Variants in RALYL observed in about 807,000 individuals in gnomAD.
RALYL encodes the protein RNA-binding Raly-like protein.
RALYL carries 29 observed loss-of-function variants against 35.1 expected under a neutral mutation model. The observed-to-expected ratio is 0.83, with a 90% CI of 0.61 to 1.13. RALYL has a LOEUF of 1.13. Among genes scored for constraint, RALYL ranks in the 50% most tolerant of loss-of-function variants. RALYL has a pLI of 0.00. For missense variants in RALYL, 359 were observed against 360.4 expected (o/e 1.00, Z 0.03); for synonymous variants, 120 against 127.6 (o/e 0.94, Z 0.40).
At chr8:84,570,225 A>AT (rs34385269) in intron 2 of RALYL, among the ~76,000 whole-genome samples, 1 of 151,628 alleles carries the variant, frequency 6.6e-6, no homozygotes, top group Non-Finnish European at 1.5e-5. Flanking sequence ...TGAGCATGGG[A>AT]TTTTTTTATT....
intron 1 of RALYL, among the ~76,000 whole-genome samples, chr8:84,343,322 G>A (rs899079229): frequency 2.0e-5 from 3 of 152,004 alleles, no homozygotes; most frequent in Non-Finnish European, 2.9e-5. Context: ...TGCTCACTTT[G>A]AATATCGGAT....
At chr8:84,368,769 G>A (rs550558103) in intron 1 of RALYL, among the ~76,000 whole-genome samples, 1 of 152,196 alleles carries the variant, frequency 6.6e-6, no homozygotes, top group Non-Finnish European at 1.5e-5. Context: ...CCCACAACAT[G>A]TGGGAATTAT....
intron 2 of RALYL, among the ~76,000 whole-genome samples, chr8:84,732,431 A>C (rs1846349216): frequency 6.6e-6 from 1 of 152,006 alleles, no homozygotes; most frequent in African/African-American, 2.4e-5. Flanking sequence ...CTAATAAGTA[A>C]GATTATTCAT....
intron 4 of RALYL, among the ~76,000 whole-genome samples, chr8:84,844,989 G>A (rs1041243961): frequency 4.6e-5 from 7 of 151,758 alleles, no homozygotes; most frequent in African/African-American, 1.7e-4. Flanking sequence ...AAGGGGGGAG[G>A]GATACCATTA....
At chr8:84,221,263 A>G (rs1822130522) in intron 1 of RALYL, among the ~76,000 whole-genome samples, 1 of 149,744 alleles carries the variant, frequency 6.7e-6, no homozygotes, top group Non-Finnish European at 1.5e-5. Flanking sequence ...AAATAAGCTA[A>G]TCTTATAAGA....
chr8:84,270,901 G>A (rs1053048400), intron 1 of RALYL, among the ~76,000 whole-genome samples: 1 of 152,044 alleles, frequency 6.6e-6, no homozygotes. Context: ...ATCATTAGAA[G>A]TCAGAGGAGT....
rs1831898370 is a variant in RALYL at position 84,835,788 on chromosome 8, G to A, written c.366-14192G>A. On this transcript the variant is annotated intron_variant, in intron 4 of 8. Transcript: ENST00000521268. ...CAGGAAACCTTTTGTTGAGCCATCA[G>A]TTGAGCTAATGCAAAAGATTGTGTC... Among the ~76,000 whole-genome samples, 3 of 151,690 alleles carry A rather than the reference G, an allele frequency of 2.0e-5. No homozygotes were observed. The South Asian group carries it at 6.2e-4, about 31-fold the overall frequency.
chr8:84,816,017 A>G (rs1827185639), intron 4 of RALYL, among the ~76,000 whole-genome samples: 1 of 137,720 alleles, frequency 7.3e-6, no homozygotes, highest in Non-Finnish European at 1.5e-5. Context: ...CTGGCAACAG[A>G]GAGAGACTCT....
At chr8:84,712,283 A>C (rs1842307900) in intron 2 of RALYL, among the ~76,000 whole-genome samples, 1 of 152,160 alleles carries the variant, frequency 6.6e-6, no homozygotes, top group African/African-American at 2.4e-5. Context: ...ATGGGACTAT[A>C]AATGCCAGTT....
chr8:84,920,407 CT>C (rs1437286321), intron 8 of RALYL, among the ~76,000 whole-genome samples: 3 of 152,040 alleles, frequency 2.0e-5, no homozygotes, highest in Non-Finnish European at 2.9e-5. Flanking sequence ...TGATTTTCTT[CT>C]TTTGCAACCA....
intron 2 of RALYL, among the ~76,000 whole-genome samples, chr8:84,583,067 G>A (rs1490165441): frequency 6.6e-6 from 1 of 151,942 alleles, no homozygotes; most frequent in Non-Finnish European, 1.5e-5. Flanking sequence ...ATAGTGATTT[G>A]GATCTTTGAT....
At chr8:84,537,235 C>T (rs1012972541) in intron 2 of RALYL, among the ~76,000 whole-genome samples, 3 of 151,174 alleles carry the variant, frequency 2.0e-5, no homozygotes, top group Middle Eastern at 3.5e-3. Context: ...TTTGAGAGGC[C>T]GAGACAAGCT....
intron 2 of RALYL, among the ~76,000 whole-genome samples, chr8:84,606,757 A>G (rs888751135): frequency 1.2e-4 from 19 of 152,052 alleles, no homozygotes; most frequent in African/African-American, 4.6e-4. Context: ...CTTGTGATAA[A>G]TGAATGTTTT....
chr8:84,263,706 C>A (rs1832733275), intron 1 of RALYL, among the ~76,000 whole-genome samples: 1 of 152,036 alleles, frequency 6.6e-6, no homozygotes, highest in Admixed American at 6.6e-5. Context: ...AACCCATCAC[C>A]TCAGGTATTA....
chr8:84,397,863 T>A (rs908619241), intron 1 of RALYL, among the ~76,000 whole-genome samples: 1 of 152,182 alleles, frequency 6.6e-6, no homozygotes, highest in African/African-American at 2.4e-5. Flanking sequence ...CTTCCTTTTA[T>A]AAGGTGAAGG....
intron 4 of RALYL, among the ~76,000 whole-genome samples, chr8:84,832,046 A>G (rs1188151477): frequency 1.3e-5 from 2 of 152,120 alleles, no homozygotes; most frequent in Non-Finnish European, 2.9e-5. Flanking sequence ...ATTTGCTAAA[A>G]TCTTCAATAT....
At chr8:84,399,308 C>T (rs1011599921) in intron 1 of RALYL, among the ~76,000 whole-genome samples, 4 of 152,164 alleles carry the variant, frequency 2.6e-5, no homozygotes, top group African/African-American at 9.7e-5. Context: ...TTAGTGCCCC[C>T]ATTTTATAGC....
chr8:84,378,388 T>G (rs1482646198), intron 1 of RALYL, among the ~76,000 whole-genome samples: 1 of 151,932 alleles, frequency 6.6e-6, no homozygotes, highest in African/African-American at 2.4e-5. Context: ...ATTTGAGAGT[T>G]TAATTATGTA....
intron 2 of RALYL, among the ~76,000 whole-genome samples, chr8:84,749,951 A>G (rs1809554579): frequency 6.6e-6 from 1 of 152,146 alleles, no homozygotes. Context: ...TGGCTTATAT[A>G]CCTTGGGGTC....
Sources: allele counts gnomAD v4.1 joint callset (sites outside exome capture counted in the v4.1 genomes callset), GRCh38; gene constraint gnomAD v4.1.1; transcripts MANE v1.5; gene names NCBI Gene and HGNC (gene_info 2026-07-23, HGNC 2026-07-21).